Variants in FMNL2 observed in about 807,000 individuals in gnomAD.
FMNL2 encodes formin like 2, also known as formin-like protein 2.
Under a neutral mutation model 130.2 loss-of-function variants are expected in FMNL2, and 51 were observed. That is an observed-to-expected ratio of 0.39 (90% CI 0.31 to 0.49). The LOEUF is 0.49. Among genes scored for constraint, FMNL2 ranks in the 20% least tolerant of loss-of-function variants. The pLI, the probability that FMNL2 is intolerant of heterozygous loss-of-function variation, is 0.85. For synonymous variants in FMNL2, 465 were observed against 467.1 expected (o/e 1.00, Z 0.06); for missense variants, 977 against 1,316.2 (o/e 0.74, Z 3.99).
intron 1 of FMNL2, among the ~76,000 whole-genome samples, chr2:152,382,096 G>A (rs937271574): frequency 1.3e-5 from 2 of 152,116 alleles, no homozygotes; most frequent in African/African-American, 4.8e-5. Context: ...ACCATGCCTG[G>A]CCTAGAATCT....
chr2:152,383,828 G>A (rs1684635236), intron 1 of FMNL2, among the ~76,000 whole-genome samples: 1 of 152,062 alleles, frequency 6.6e-6, no homozygotes, highest in South Asian at 2.1e-4. Flanking sequence ...ATGAGGAGAA[G>A]TCATCATCAG....
At chr2:152,615,389 C>G (rs540648221) in intron 12 of FMNL2, among the ~76,000 whole-genome samples, 1 of 152,232 alleles carries the variant, frequency 6.6e-6, no homozygotes, top group African/African-American at 2.4e-5. Flanking sequence ...CACACAAACC[C>G]ATGGACAGGA....
In FMNL2 at chr2:152,580,926, T is replaced by C. The variant is rs146838614; in HGVS notation, c.783-30T>C. ...TGACTCATCATGCCATTTTCACTGA[T>C]TTGTGTTTTTCTTCTTCTTGTTTTG... On this transcript the variant is annotated intron_variant, in intron 8 of 25. Coordinates refer to ENST00000288670, the MANE Select transcript of FMNL2 (RefSeq NM_052905.4). 6.0e-4 allele frequency: 959 copies of C among 1,596,004 alleles called. 4 individuals carry two copies. In the African/African-American group the frequency reaches 0.012, roughly 20 times the overall value.
rs1026472512 is a variant in FMNL2, at chr2:152,439,360, T to G, written c.118-82583T>G. 3.9e-5 allele frequency among the ~76,000 whole-genome samples: 6 copies of G among 152,200 alleles called. No individual in the cohort carries two copies. The East Asian group carries it at 1.2e-3, about 29-fold the overall frequency. ...GTTATTATTTTCAAGGTTCAAGGTT[T>G]ATTTTTCCCAAGAGAAGACAAGTTT... is the stretch of plus-strand genomic sequence containing the variant. On this transcript the variant is annotated intron_variant, in intron 1 of 25. Coordinates refer to ENST00000288670, the MANE Select transcript of FMNL2 (RefSeq NM_052905.4).
At chr2:152,466,452 C>T (rs1689541997) in intron 1 of FMNL2, among the ~76,000 whole-genome samples, 1 of 151,742 alleles carries the variant, frequency 6.6e-6, no homozygotes. Flanking sequence ...TCTTCTTCCT[C>T]CTTAACCACT....
intron 10 of FMNL2, 72 bp from the exon 11 acceptor site, chr2:152,611,423 A>G: frequency 1.4e-6 from 1 of 728,874 alleles, no homozygotes; most frequent in Non-Finnish European, 2.3e-6. Context: ...TATGAAATTG[A>G]AAGCACATGT....
chr2:152,644,572 C>T (rs188197128), intron 25 of FMNL2, among the ~76,000 whole-genome samples: 9 of 152,326 alleles, frequency 5.9e-5, no homozygotes, highest in African/African-American at 2.2e-4. Flanking sequence ...TCTATTCCTT[C>T]TGAATGTCAT....
chr2:152,630,778 G>A (rs1159549221), intron 20 of FMNL2, among the ~76,000 whole-genome samples: 1 of 152,194 alleles, frequency 6.6e-6, no homozygotes, highest in Non-Finnish European at 1.5e-5. Flanking sequence ...GCCCTGCTGT[G>A]TAGGAGGCAC....
intron 1 of FMNL2, among the ~76,000 whole-genome samples, chr2:152,415,633 AT>A (rs36102896): frequency 0.17 from 25,369 of 151,872 alleles, 2,200 homozygotes; most frequent in Middle Eastern, 0.29. Context: ...GTTCAAGAGA[AT>A]TTTTTCCCCC....
chr2:152,558,124 A>C (rs991644821), intron 4 of FMNL2, among the ~76,000 whole-genome samples: 2 of 152,216 alleles, frequency 1.3e-5, no homozygotes, highest in Non-Finnish European at 2.9e-5. Context: ...AAAAAACCTG[A>C]TATTTGTCAT....
intron 1 of FMNL2, among the ~76,000 whole-genome samples, chr2:152,508,516 G>C (rs1353857834): frequency 1.3e-5 from 2 of 152,144 alleles, no homozygotes; most frequent in African/African-American, 4.8e-5. Flanking sequence ...TAGGACTTGA[G>C]GTGTAATTTG....
At chr2:152,376,874 A>G (rs1684204630) in intron 1 of FMNL2, among the ~76,000 whole-genome samples, 1 of 152,134 alleles carries the variant, frequency 6.6e-6, no homozygotes, top group Non-Finnish European at 1.5e-5. Flanking sequence ...TTCTCAGTGG[A>G]GGTAATCAGA....
At chr2:152,445,248 G>A (rs1688272623) in intron 1 of FMNL2, among the ~76,000 whole-genome samples, 1 of 152,208 alleles carries the variant, frequency 6.6e-6, no homozygotes, top group South Asian at 2.1e-4. Context: ...CCAATTCTGT[G>A]ATGCTTTTCC....
intron 1 of FMNL2, among the ~76,000 whole-genome samples, chr2:152,413,406 G>T (rs1179738175): frequency 2.6e-5 from 4 of 152,014 alleles, no homozygotes; most frequent in African/African-American, 9.7e-5. Flanking sequence ...ACCTAACAAT[G>T]GTCTTTATCC....
Position 152,339,617 on chromosome 2 carries a change from G to A in FMNL2, c.117+3897G>A, listed in dbSNP as rs1399240555. 3.9e-5 allele frequency among the ~76,000 whole-genome samples: 6 copies of A among 152,164 alleles called. No individual in the cohort carries two copies. In the East Asian group the frequency reaches 1.2e-3, roughly 29 times the overall value. On this transcript the variant is annotated intron_variant, in intron 1 of 25. Transcript: ENST00000288670. Reference sequence around the variant, plus strand: ...GTATCTTGTGCAATATCAGGTGTCAGGCAGCACTGCAAACAGATTTAAAAT... The same window carrying A: ...GTATCTTGTGCAATATCAGGTGTCAAGCAGCACTGCAAACAGATTTAAAAT...
chr2:152,506,909 C>T (rs1692206701), intron 1 of FMNL2, among the ~76,000 whole-genome samples: 1 of 152,210 alleles, frequency 6.6e-6, no homozygotes. Context: ...TGGGGCACTG[C>T]ACAGCTTTCA....
chr2:152,545,686 A>C (rs1359245006), intron 3 of FMNL2, among the ~76,000 whole-genome samples: 3 of 152,172 alleles, frequency 2.0e-5, no homozygotes, highest in Admixed American at 6.5e-5. Context: ...GCCTCCCTTG[A>C]TGGGGAGGGA....
chr2:152,533,358 C>T (rs1693813310), intron 2 of FMNL2, among the ~76,000 whole-genome samples: 1 of 152,074 alleles, frequency 6.6e-6, no homozygotes, highest in Admixed American at 6.6e-5. Context: ...TGTTTCAGCA[C>T]AATTTATTTA....
chr2:152,619,485 A>G (rs1699121179), intron 14 of FMNL2, 24 bp from the exon 15 acceptor site: 7 of 1,549,682 alleles, frequency 4.5e-6, no homozygotes, highest in Non-Finnish European at 6.1e-6. Flanking sequence ...TTCAAAGTCC[A>G]TCTGTTTCTT....
Sources: allele counts gnomAD v4.1 joint callset (sites outside exome capture counted in the v4.1 genomes callset), GRCh38; gene constraint gnomAD v4.1.1; transcripts MANE v1.5; gene names NCBI Gene and HGNC (gene_info 2026-07-23, HGNC 2026-07-21).